The following ARHGEF10 variants were observed in gnomAD, a reference collection of about 807,000 sequenced individuals.
ARHGEF10 encodes Rho guanine nucleotide exchange factor 10.
Under a neutral mutation model 147.4 loss-of-function variants are expected in ARHGEF10, and 140 were observed. That is an observed-to-expected ratio of 0.95 (90% CI 0.83 to 1.09). The LOEUF (loss-of-function observed/expected upper bound fraction) is 1.09. Ranked by LOEUF, ARHGEF10 falls within the 50% of genes least tolerant of loss-of-function variation. The probability of loss-of-function intolerance (pLI) is 0.00; values close to 1 mark genes in which losing one functional copy is unlikely to be tolerated. For missense variants in ARHGEF10, 2,222 were observed against 1,752.7 expected, an observed-to-expected ratio of 1.27 and a Z score of -4.78; for synonymous variants, 902 against 695.8, an observed-to-expected ratio of 1.30 and a Z score of -4.67.
intron 1 of ARHGEF10, among the ~76,000 whole-genome samples, chr8:1,835,382 A>G (rs1803518882): frequency 6.6e-6 from 1 of 152,080 alleles, no homozygotes; most frequent in African/African-American, 2.4e-5. Flanking sequence ...GGGTACAGGC[A>G]GGTCAAGGGC....
rs1475614198 is a variant in ARHGEF10, at chr8:1,948,487, T to G, written c.3397+2832T>G. ...ACTGCTTTACCCACATTCAGTTCTC[T>G]GCTCCCAGGCTGTGGTCTGCTGCCA... is the stretch of plus-strand genomic sequence containing the variant. On this transcript the variant is annotated intron_variant, in intron 27 of 28. Coordinates refer to ENST00000349830, the MANE Select transcript of ARHGEF10 (RefSeq NM_014629.4). This position sits in a 1 kb window ranked among gnomAD's most constrained non-coding sequence, Gnocchi z 4.9. 2.0e-5 allele frequency among the ~76,000 whole-genome samples: 3 copies of G among 152,234 alleles called. No individual in the cohort carries two copies. The highest frequency in any genetic ancestry group is 7.2e-5 in the African/African-American group (3 of 41,462).
At chr8:1,895,299 CAG>C in intron 13 of ARHGEF10, among the ~76,000 whole-genome samples, 1 of 152,140 alleles carries the variant, frequency 6.6e-6, no homozygotes, top group East Asian at 1.9e-4. Flanking sequence ...ATGAGTGAAA[CAG>C]ATTGGTTTCT....
chr8:1,858,166 GAGTCCCCAGGTGGGTCCCCATGT>G (rs1805742536), intron 3 of ARHGEF10, 51 bp downstream of exon 3: 20 of 1,548,176 alleles, frequency 1.3e-5, no homozygotes, highest in African/African-American at 2.8e-5. Context: ...GTCCCCAGGT[GAGTCCCCAGGTGGGTCCCCATGT>G]GAGTCACCAG....
At chr8:1,873,993 GC>G (rs1359091811) in intron 7 of ARHGEF10, among the ~76,000 whole-genome samples, 2 of 152,342 alleles carry the variant, frequency 1.3e-5, no homozygotes, top group Non-Finnish European at 2.9e-5. Flanking sequence ...AATACGCGGG[GC>G]TAAGGGCCAA....
chr8:1,838,520 G>T (rs1470074318), intron 1 of ARHGEF10, among the ~76,000 whole-genome samples: 3 of 152,242 alleles, frequency 2.0e-5, no homozygotes, highest in African/African-American at 7.2e-5. Flanking sequence ...CTGTGTGCAC[G>T]CCGGAGGCAG....
intron 26 of ARHGEF10, among the ~76,000 whole-genome samples, chr8:1,945,034 C>T (rs939137159): frequency 1.3e-5 from 2 of 152,202 alleles, no homozygotes; most frequent in African/African-American, 4.8e-5. Flanking sequence ...GGTGCCTTTC[C>T]AGGACAGCAG....
rs775155928 is a variant in ARHGEF10 at position 1,957,053 on chromosome 8, A to C, written c.3825A>C (p.Arg1275Ser). 5 of 1,613,850 alleles carry C rather than the reference A, an allele frequency of 3.1e-6. No individual in the cohort carries two copies. Among genetic ancestry groups the C allele is most frequent in the Non-Finnish European group, 4.2e-6 (5 of 1,180,028 alleles). ...ACGGCTCCAGCTCTCTAGAGCACAG[A>C]TCAGAGGACAGCACCATCTATGATC... ...LSHGSSSLEH[R>S]SEDSTIYDLL... The change falls in exon 29 of 29, where the codon AGA (arginine) becomes AGC (serine). Residue 1275 changes from arginine to serine, a missense_variant. By Grantham distance (110) the Arg-to-Ser change is moderately radical (BLOSUM62 -1). Coordinates refer to ENST00000349830, the MANE Select transcript of ARHGEF10 (RefSeq NM_014629.4).
rs570743805 is a variant in ARHGEF10, at chr8:1,919,945, G to T, written c.2144-3019G>T. Among the ~76,000 whole-genome samples, 252 of 149,776 alleles carry T rather than the reference G, an allele frequency of 1.7e-3. 15 individuals carry two copies. Among genetic ancestry groups the T allele is most frequent in the African/African-American group, 5.9e-3 (235 of 39,950 alleles). On this transcript the variant is annotated intron_variant, in intron 18 of 28. Transcript: ENST00000349830. ...ATGGAGCTGTTCTATGGGTGATGGA[G>T]CTGTTCTATGGGTGATGGAGCTGTT...
chr8:1,828,147 C>T (rs914304634), intron 1 of ARHGEF10, among the ~76,000 whole-genome samples: 2 of 152,220 alleles, frequency 1.3e-5, no homozygotes, highest in Admixed American at 6.5e-5. Context: ...TTTTCGGCAC[C>T]AGGTGAGTCG....
chr8:1,880,282 C>G (rs1167991703), intron 9 of ARHGEF10, 118 bp downstream of exon 9: 1 of 740,120 alleles, frequency 1.4e-6, no homozygotes, highest in East Asian at 2.6e-5. Context: ...GTCCGGGGCT[C>G]CTGGAATCCC....
intron 25 of ARHGEF10, among the ~76,000 whole-genome samples, chr8:1,930,281 T>C (rs1813020259): frequency 6.6e-6 from 1 of 151,640 alleles, no homozygotes; most frequent in South Asian, 2.1e-4. Flanking sequence ...CCTTGGCGGG[T>C]CCTGTTATCT....
At chr8:1,928,745 C>A in intron 24 of ARHGEF10, 95 bp downstream of exon 24, 1 of 1,397,158 alleles carries the variant, frequency 7.2e-7, no homozygotes, top group Non-Finnish European at 9.9e-7. Context: ...TTGACTTTGA[C>A]TCAGGAGTAG....
chr8:1,905,952 A>T (rs979676908), intron 17 of ARHGEF10, among the ~76,000 whole-genome samples: 2 of 152,220 alleles, frequency 1.3e-5, no homozygotes, highest in Admixed American at 6.5e-5. Flanking sequence ...TACTCTTTAA[A>T]CAGGGCTGAT....
intron 1 of ARHGEF10, among the ~76,000 whole-genome samples, chr8:1,837,262 G>A (rs1803640955): frequency 6.8e-6 from 1 of 147,288 alleles, no homozygotes; most frequent in African/African-American, 2.5e-5. Flanking sequence ...GCCGCAGGAC[G>A]GTCGGGGGCA....
chr8:1,945,615 G>C lies in ARHGEF10; in HGVS notation c.3357G>C (p.Gln1119His). 6.2e-7 allele frequency: 1 copy of C among 1,614,240 alleles called. No individual in the cohort carries two copies. Among genetic ancestry groups the C allele is most frequent in the Non-Finnish European group, 8.5e-7 (1 of 1,180,046 alleles). ...ACACGGAAACTCTCAAGCACCTGCA[G>C]GACATCAACATCGCCACCCCTGTTC... ...LFHTETLKHL[Q>H]DINIATPVHN... The change falls in exon 27 of 29, where the codon CAG becomes CAC. Residue 1119 changes from glutamine (Q) to histidine (H), a missense_variant. Transcript: ENST00000349830.
chr8:1,924,569 G>A (rs190992962), intron 21 of ARHGEF10, among the ~76,000 whole-genome samples: 117 of 152,326 alleles, frequency 7.7e-4, no homozygotes, highest in Non-Finnish European at 1.4e-3. Flanking sequence ...TAACGCCATT[G>A]CCCCGGGGAG....
rs6994509 is a variant in ARHGEF10, at chr8:1,955,165, C to T, written c.3521-1584C>T. 1.3e-3 allele frequency among the ~76,000 whole-genome samples: 113 copies of T among 87,470 alleles called. 1 individual carries two copies. Among genetic ancestry groups the T allele is most frequent in the South Asian group, 3.6e-3 (9 of 2,480 alleles). 57.4% of individuals were successfully genotyped at this position (87,470 alleles called of 152,430 possible). The stretch of plus-strand genomic sequence containing the variant: ...TTCCTCTGGAGGATAGCCAGGTGCT[C>T]CCTGAAAGGAGGTGCACTCTCACTG... On this transcript the variant is annotated intron_variant, in intron 28 of 28. Coordinates refer to ENST00000349830, the MANE Select transcript of ARHGEF10 (RefSeq NM_014629.4).
chr8:1,823,369 C>T (rs1384557239), upstream of ARHGEF10, among the ~76,000 whole-genome samples: 1 of 115,168 alleles, frequency 8.7e-6, no homozygotes, highest in Admixed American at 9.1e-5. Flanking sequence ...GACGGGGGCT[C>T]AAGGGCGGGT....
chr8:1,932,551 A>C (rs1435091274), intron 25 of ARHGEF10, among the ~76,000 whole-genome samples: 1 of 152,228 alleles, frequency 6.6e-6, no homozygotes, highest in Admixed American at 6.5e-5. Flanking sequence ...GCATGGGTGC[A>C]TGTGCATATT....
Sources: gnomAD v4.1 joint callset for allele counts (sites outside exome capture counted in the v4.1 genomes callset) on GRCh38, gnomAD v4.1.1 for gene constraint, Gnocchi (gnomAD v3.1) non-coding constraint, MANE v1.5 for transcripts, NCBI Gene and HGNC (gene_info 2026-07-23, HGNC 2026-07-21) for gene names.